Variants in HDAC9 observed in about 807,000 individuals in gnomAD.
HDAC9 encodes the protein MEF-2 interacting transcription repressor (MITR) protein.
Under a neutral mutation model 139.4 loss-of-function variants are expected in HDAC9, and 41 were observed. That is an observed-to-expected ratio of 0.29 (90% CI 0.23 to 0.38). The LOEUF (loss-of-function observed/expected upper bound fraction) is 0.38, where lower values mean the gene tolerates loss of function less well. Among genes scored for constraint, HDAC9 ranks in the 10% least tolerant of loss-of-function variants. The pLI, the probability that HDAC9 is intolerant of heterozygous loss-of-function variation, is 1.00. For synonymous variants in HDAC9, 517 were observed against 476.2 expected (o/e 1.09, Z -1.12); for missense variants, 1,147 against 1,297.0 (o/e 0.88, Z 1.78).
At chr7:18,239,953 GTTT>G in intron 2 of HDAC9, among the ~76,000 whole-genome samples, 2 of 132,952 alleles carry the variant, frequency 1.5e-5, no homozygotes, top group Non-Finnish European at 1.6e-5. Context: ...GGTGCTGCAT[GTTT>G]TTTTTTTTTT....
At chr7:18,547,899 C>CTCTCCCTT (rs1225664368) in intron 2 of HDAC9, among the ~76,000 whole-genome samples, 8 of 136,200 alleles carry the variant, frequency 5.9e-5, no homozygotes, top group Non-Finnish European at 9.6e-5. Context: ...CTCTCTCCCT[C>CTCTCCCTT]TCTCCCTTTC....
chr7:18,807,649 A>T (rs1336636172), intron 17 of HDAC9, among the ~76,000 whole-genome samples: 1 of 151,836 alleles, frequency 6.6e-6, no homozygotes, highest in East Asian at 1.9e-4. Flanking sequence ...ATTTAGATTA[A>T]TTTTTTATTT....
chr7:18,346,678 T>C (rs1367513145), intron 1 of HDAC9, among the ~76,000 whole-genome samples: 3 of 152,112 alleles, frequency 2.0e-5, no homozygotes, highest in Non-Finnish European at 4.4e-5. Context: ...AAATAAGATG[T>C]TTTTGCTTTT....
chr7:18,904,632 C>T (rs544448854), intron 22 of HDAC9, among the ~76,000 whole-genome samples: 1 of 128,558 alleles, frequency 7.8e-6, no homozygotes, highest in East Asian at 2.4e-4. Flanking sequence ...GGCTGAAGTG[C>T]AGTGACGCGA....
chr7:18,197,242 TTCTTTCTC>T (rs1357886959), intron 2 of HDAC9, among the ~76,000 whole-genome samples: 2 of 152,180 alleles, frequency 1.3e-5, no homozygotes, highest in African/African-American at 4.8e-5. Context: ...CAGTCTCCCT[TTCTTTCTC>T]TCTTTCTCTG....
intron 12 of HDAC9, among the ~76,000 whole-genome samples, chr7:18,684,766 A>T (rs958559527): frequency 2.0e-5 from 3 of 151,938 alleles, no homozygotes; most frequent in African/African-American, 4.8e-5. Flanking sequence ...CAATATATAT[A>T]CACATATATT....
At chr7:18,658,318 G>A (rs1791952020) in intron 11 of HDAC9, among the ~76,000 whole-genome samples, 2 of 152,110 alleles carry the variant, frequency 1.3e-5, no homozygotes, top group South Asian at 4.1e-4. Flanking sequence ...GGTGGGCAAT[G>A]TTCTCAAACT....
chr7:18,454,146 T>C (rs1192048260), intron 1 of HDAC9, among the ~76,000 whole-genome samples: 5 of 152,126 alleles, frequency 3.3e-5, no homozygotes, highest in Non-Finnish European at 7.4e-5. Flanking sequence ...ACAAAAAAGA[T>C]CTAGGAATTG....
chr7:18,205,087 G>T (rs1029592178), intron 2 of HDAC9, among the ~76,000 whole-genome samples: 3 of 151,880 alleles, frequency 2.0e-5, no homozygotes, highest in African/African-American at 7.3e-5. Flanking sequence ...TATAATGATA[G>T]TATATGGCAT....
chr7:18,642,274 A>C (rs1462441234), intron 8 of HDAC9, among the ~76,000 whole-genome samples: 1 of 151,742 alleles, frequency 6.6e-6, no homozygotes, highest in Non-Finnish European at 1.5e-5. Flanking sequence ...AAGTCCCCTG[A>C]CTCCCAGTTG....
chr7:18,908,218 T>A (rs1256253402), intron 22 of HDAC9, among the ~76,000 whole-genome samples: 1 of 152,080 alleles, frequency 6.6e-6, no homozygotes, highest in Non-Finnish European at 1.5e-5. Flanking sequence ...AGAGCTTAAT[T>A]TTTTTATTCT....
intron 2 of HDAC9, among the ~76,000 whole-genome samples, chr7:18,532,174 T>A (rs773439618): frequency 1.3e-5 from 2 of 152,022 alleles, no homozygotes; most frequent in Non-Finnish European, 2.9e-5. Context: ...TGCTTGAACC[T>A]GGGAGGTGGA....
intron 21 of HDAC9, among the ~76,000 whole-genome samples, chr7:18,868,785 T>C (rs910502246): frequency 6.6e-6 from 1 of 152,170 alleles, no homozygotes; most frequent in African/African-American, 2.4e-5. Flanking sequence ...GGCAGGACTC[T>C]ACTCTTCCCA....
intron 1 of HDAC9, among the ~76,000 whole-genome samples, chr7:18,353,258 T>A (rs1396467733): frequency 6.7e-6 from 1 of 148,672 alleles, no homozygotes; most frequent in Admixed American, 6.9e-5. Context: ...AGGAGTAAAG[T>A]AATATTGGGA....
chr7:18,200,807 CCCT>C, intron 2 of HDAC9, among the ~76,000 whole-genome samples: 1 of 152,088 alleles, frequency 6.6e-6, no homozygotes, highest in East Asian at 1.9e-4. Flanking sequence ...ATAATTTTTT[CCCT>C]CCTCAGCAGT....
intron 21 of HDAC9, among the ~76,000 whole-genome samples, chr7:18,846,546 G>C (rs891816256): frequency 6.6e-6 from 1 of 152,168 alleles, no homozygotes; most frequent in African/African-American, 2.4e-5. Flanking sequence ...ATCAGAAACA[G>C]TATACACGTT....
chr7:18,615,188 A>G (rs1245905982), intron 6 of HDAC9, among the ~76,000 whole-genome samples: 1 of 152,174 alleles, frequency 6.6e-6, no homozygotes, highest in Non-Finnish European at 1.5e-5. Context: ...CTCATACTAT[A>G]AAGGTCATAT....
chr7:18,993,674 A>AT, intron 25 of HDAC9, among the ~76,000 whole-genome samples: 1 of 151,918 alleles, frequency 6.6e-6, no homozygotes, highest in Non-Finnish European at 1.5e-5. Context: ...ATGGTGGCAC[A>AT]TGCCTGTAGT....
chr7:18,517,111 G>T (rs1301636582), intron 2 of HDAC9, among the ~76,000 whole-genome samples: 1 of 151,970 alleles, frequency 6.6e-6, no homozygotes, highest in African/African-American at 2.4e-5. Context: ...TAAATTTTTT[G>T]ATCAAAACTG....
Sources: gnomAD v4.1 joint callset for allele counts (sites outside exome capture counted in the v4.1 genomes callset) on GRCh38, gnomAD v4.1.1 for gene constraint, MANE v1.5 for transcripts, NCBI Gene and HGNC (gene_info 2026-07-23, HGNC 2026-07-21) for gene names.